Variants in L3MBTL3 observed in about 807,000 individuals in gnomAD.
The protein encoded by L3MBTL3 is L3MBTL histone methyl-lysine binding protein 3, also known as lethal(3)malignant brain tumor-like protein 3.
L3MBTL3 carries 27 observed loss-of-function variants against 102.3 expected under a neutral mutation model. That is an observed-to-expected ratio of 0.26 (90% CI 0.19 to 0.36). The LOEUF is 0.36. Among genes scored for constraint, L3MBTL3 ranks in the 10% least tolerant of loss-of-function variants. The probability of loss-of-function intolerance (pLI) is 1.00; values close to 1 mark genes in which losing one functional copy is unlikely to be tolerated. For missense variants in L3MBTL3, 798 were observed against 955.3 expected, an observed-to-expected ratio of 0.84 and a Z score of 2.17; for synonymous variants, 340 against 320.9, an observed-to-expected ratio of 1.06 and a Z score of -0.64.
In L3MBTL3 at chr6:130,079,281, C is replaced by T. The variant is rs142027437; in HGVS notation, c.1321+647C>T. On this transcript the variant is annotated intron_variant, in intron 14 of 22. Coordinates refer to ENST00000361794, the MANE Select transcript of L3MBTL3 (RefSeq NM_032438.4). ...TCCTGGTTCCAAAATAGATTTTGCA[C>T]CTTCATGCTAGTGGTGCCTTTGTGT... Among the ~76,000 whole-genome samples, 16 of 152,276 alleles carry T rather than the reference C, an allele frequency of 1.1e-4. No individual in the cohort carries two copies. The East Asian group carries it at 2.7e-3, about 26-fold the overall frequency.
chr6:130,138,983 A>G (rs1788011562), intron 22 of L3MBTL3, among the ~76,000 whole-genome samples: 1 of 152,214 alleles, frequency 6.6e-6, no homozygotes, highest in Non-Finnish European at 1.5e-5. Flanking sequence ...TCTTTCTCAT[A>G]GTTACCCTAC....
chr6:130,103,466 T>A (rs1330114573), intron 18 of L3MBTL3, among the ~76,000 whole-genome samples: 1 of 152,170 alleles, frequency 6.6e-6, no homozygotes, highest in Non-Finnish European at 1.5e-5. Flanking sequence ...TAGACACTGT[T>A]TAAAAATTTT....
intron 9 of L3MBTL3, among the ~76,000 whole-genome samples, chr6:130,058,209 A>G (rs1459611063): frequency 6.6e-6 from 1 of 151,898 alleles, no homozygotes; most frequent in African/African-American, 2.4e-5. Flanking sequence ...TATCACAGCA[A>G]AACATCTAAA....
At chr6:130,107,045 C>T (rs751908323) in intron 19 of L3MBTL3, among the ~76,000 whole-genome samples, 1 of 152,182 alleles carries the variant, frequency 6.6e-6, no homozygotes, top group African/African-American at 2.4e-5. Flanking sequence ...GGCAGAGTAG[C>T]AATGACCATC....
At chr6:130,078,664 A>C (rs1420478938) in intron 14 of L3MBTL3, 30 bp downstream of exon 14, 3 of 1,416,300 alleles carry the variant, frequency 2.1e-6, no homozygotes, top group Admixed American at 3.6e-5. Flanking sequence ...GGCTAATACT[A>C]TTCGTAGACT....
At chr6:130,094,226 A>T (rs763001136) in intron 17 of L3MBTL3, 39 bp from the exon 18 acceptor site, 1 of 1,505,562 alleles carries the variant, frequency 6.6e-7, no homozygotes. Flanking sequence ...TTTTTGCTTA[A>T]TATTTTGCCC....
intron 2 of L3MBTL3, among the ~76,000 whole-genome samples, chr6:130,039,912 A>C (rs1227569382): frequency 6.6e-6 from 1 of 152,228 alleles, no homozygotes. Flanking sequence ...AATAGTGAAC[A>C]TTCTTAGTTA....
intron 16 of L3MBTL3, among the ~76,000 whole-genome samples, chr6:130,091,696 T>C (rs1338156650): frequency 6.6e-6 from 1 of 151,998 alleles, no homozygotes; most frequent in Non-Finnish European, 1.5e-5. Flanking sequence ...TTAAATACTG[T>C]CATTTGCAAC....
At chr6:130,031,081 A>G (rs1779694520) in intron 2 of L3MBTL3, among the ~76,000 whole-genome samples, 1 of 152,120 alleles carries the variant, frequency 6.6e-6, no homozygotes, top group Non-Finnish European at 1.5e-5. Flanking sequence ...CCATGGAGGT[A>G]AAAGAAGGTC....
At chr6:130,092,678 G>A in intron 16 of L3MBTL3, 67 bp from the exon 17 acceptor site, 1 of 912,556 alleles carries the variant, frequency 1.1e-6, no homozygotes. Flanking sequence ...TTATGCTGTG[G>A]GCAGAACTTT....
intron 16 of L3MBTL3, among the ~76,000 whole-genome samples, chr6:130,091,369 C>A (rs1784036685): frequency 6.6e-6 from 1 of 152,024 alleles, no homozygotes; most frequent in Non-Finnish European, 1.5e-5. Context: ...ATCCTGTGAT[C>A]AGTTGATATA....
At chr6:130,073,750 A>T (rs1195456910) in intron 13 of L3MBTL3, among the ~76,000 whole-genome samples, 1 of 152,146 alleles carries the variant, frequency 6.6e-6, no homozygotes, top group Non-Finnish European at 1.5e-5. Flanking sequence ...TCTAAAAAAG[A>T]TCCTGGATTC....
At chr6:130,057,633 T>C in intron 9 of L3MBTL3, 136 bp downstream of exon 9, 1 of 715,292 alleles carries the variant, frequency 1.4e-6, no homozygotes. Context: ...TGTGTTTATA[T>C]GGAGGGCAGT....
intron 20 of L3MBTL3, among the ~76,000 whole-genome samples, chr6:130,124,724 A>G (rs1173490727): frequency 6.6e-6 from 1 of 152,166 alleles, no homozygotes; most frequent in Non-Finnish European, 1.5e-5. Context: ...TAATCCCAAC[A>G]CTTTGGGAGG....
intron 20 of L3MBTL3, among the ~76,000 whole-genome samples, chr6:130,121,646 T>C (rs1242839505): frequency 6.6e-6 from 1 of 152,202 alleles, no homozygotes; most frequent in Non-Finnish European, 1.5e-5. Flanking sequence ...ATTTGCTTCC[T>C]GTGTTTAAAA....
chr6:130,119,482 A>AT (rs1479508139), intron 19 of L3MBTL3, among the ~76,000 whole-genome samples: 1 of 152,138 alleles, frequency 6.6e-6, no homozygotes, highest in Non-Finnish European at 1.5e-5. Context: ...AGAAAACACA[A>AT]TTTTTATCAA....
rs149787182 is a variant in L3MBTL3, at chr6:130,053,702, G to A, written c.582+711G>A. Among the ~76,000 whole-genome samples the A allele has an allele frequency of 9.3e-3, 1,419 of 151,948 alleles. 21 individuals carry two copies. Among genetic ancestry groups the A allele is most frequent in the African/African-American group, 0.031 (1,266 of 41,460 alleles). ...GGCACACAAATATCAGGTATATTTG[G>A]GGAAAAGCCATTCAAAATGTGTGAA... On this transcript the variant is annotated intron_variant, in intron 7 of 22. Transcript: ENST00000361794.
At position 130,055,066 on chromosome 6, in the gene L3MBTL3, C is replaced by A. The variant is rs182155040; in HGVS notation, c.583-105C>A. ...TTTCCTTAAAAGTTACAAAGTAAAA[C>A]TGAAGAAAAGAACAACAGAAAAAGT... On this transcript the variant is annotated intron_variant, in intron 7 of 22. Coordinates refer to ENST00000361794, the MANE Select transcript of L3MBTL3 (RefSeq NM_032438.4). 2,990 of 814,592 alleles carry A rather than the reference C, an allele frequency of 3.7e-3. 13 individuals carry two copies. Among genetic ancestry groups the A allele is most frequent in the Non-Finnish European group, 4.5e-3 (2,142 of 476,092 alleles). The allele number at this position is 814,592 out of a possible 1,614,324, so 50.5% of individuals were successfully genotyped here. A position where few individuals can be genotyped will look rare whatever the true frequency, so the allele number is the denominator to read the frequency against.
intron 1 of L3MBTL3, among the ~76,000 whole-genome samples, chr6:130,019,195 G>C (rs1186173459): frequency 1.3e-5 from 2 of 150,528 alleles, no homozygotes; most frequent in Non-Finnish European, 3.0e-5. Flanking sequence ...TCGTGACACC[G>C]GGCGCGGGGT....
Sources: allele counts gnomAD v4.1 joint callset (sites outside exome capture counted in the v4.1 genomes callset), GRCh38; gene constraint gnomAD v4.1.1; transcripts MANE v1.5; gene names NCBI Gene and HGNC (gene_info 2026-07-23, HGNC 2026-07-21).